KDM3A: variants seen among roughly 807,000 people sequenced by gnomAD.
The protein encoded by KDM3A is lysine demethylase 3A.
Under a neutral mutation model 158.0 loss-of-function variants are expected in KDM3A, and 60 were observed. That is an observed-to-expected ratio of 0.38 (90% CI 0.31 to 0.47). The LOEUF (loss-of-function observed/expected upper bound fraction) is 0.47, where lower values mean the gene tolerates loss of function less well. KDM3A is among the 20% of genes least tolerant of loss of function. The pLI is 0.99. For missense variants in KDM3A, 1,319 were observed against 1,574.3 expected (o/e 0.84, Z 2.74); for synonymous variants, 608 against 549.3 (o/e 1.11, Z -1.49).
upstream of KDM3A, among the ~76,000 whole-genome samples, chr2:86,439,557 T>C (rs1346761772): frequency 1.3e-5 from 2 of 152,120 alleles, no homozygotes; most frequent in African/African-American, 2.4e-5. Context: ...TCAGGTTCAA[T>C]AGAATTTTTC....
Position 86,457,042 on chromosome 2 carries a change from G to A in KDM3A, c.814G>A (p.Val272Ile). The A allele has an allele frequency of 6.3e-7, 1 of 1,592,274 alleles. No individual in the cohort carries two copies. Among genetic ancestry groups the A allele is most frequent in the Non-Finnish European group, 8.6e-7 (1 of 1,166,508 alleles). ...GTCTTCTGAGAATAATGGAACCCTG[G>A]TTTCCAAACAAGCAAAATCTTGCTC... The part of the protein sequence containing the change: ...RKSSENNGTL[V>I]SKQAKSCSEA... The change falls in exon 8 of 26, where the codon GTT becomes ATT. Residue 272 changes from valine to isoleucine, a missense_variant. Val to Ile is a conservative substitution (Grantham distance 29). Coordinates refer to ENST00000312912, the MANE Select transcript of KDM3A (RefSeq NM_018433.6).
chr2:86,477,598 G>T (rs1483678267), intron 12 of KDM3A, among the ~76,000 whole-genome samples: 1 of 152,058 alleles, frequency 6.6e-6, no homozygotes, highest in African/African-American at 2.4e-5. Context: ...TCTGAATAGG[G>T]ATTCTGCTTG....
chr2:86,455,019 C>T, intron 4 of KDM3A, 66 bp from the exon 5 acceptor site: 1 of 927,666 alleles, frequency 1.1e-6, no homozygotes, highest in Non-Finnish European at 1.6e-6. Flanking sequence ...AAATAGCCCA[C>T]TGGAATTTAA....
chr2:86,453,978 G>A (rs1672581766), intron 4 of KDM3A, among the ~76,000 whole-genome samples: 1 of 152,128 alleles, frequency 6.6e-6, no homozygotes, highest in Non-Finnish European at 1.5e-5. Context: ...GACAGTTTCT[G>A]TATTACATTT....
intron 4 of KDM3A, among the ~76,000 whole-genome samples, chr2:86,454,811 T>C (rs1276398695): frequency 6.6e-6 from 1 of 152,224 alleles, no homozygotes; most frequent in Non-Finnish European, 1.5e-5. Context: ...AAGTTAGTCA[T>C]TTTTAAAATT....
intron 12 of KDM3A, among the ~76,000 whole-genome samples, chr2:86,475,725 T>A (rs1673631343): frequency 6.6e-6 from 1 of 152,240 alleles, no homozygotes; most frequent in East Asian, 1.9e-4. Context: ...TTTTCTTCCA[T>A]CATTTTATCT....
At chr2:86,445,677 C>T (rs1682930034) in intron 2 of KDM3A, among the ~76,000 whole-genome samples, 2 of 152,334 alleles carry the variant, frequency 1.3e-5, no homozygotes, top group Non-Finnish European at 2.9e-5. Context: ...AATGCCTAGC[C>T]TTTCATTTTT....
intron 2 of KDM3A, among the ~76,000 whole-genome samples, chr2:86,446,923 C>T (rs1432793735): frequency 6.6e-6 from 1 of 152,128 alleles, no homozygotes; most frequent in East Asian, 1.9e-4. Context: ...GCAATTCTCC[C>T]ACCTCAGCCT....
chr2:86,477,531 C>T (rs1364753216), intron 12 of KDM3A, among the ~76,000 whole-genome samples: 1 of 152,128 alleles, frequency 6.6e-6, no homozygotes, highest in African/African-American at 2.4e-5. Context: ...GGTTAAGAAC[C>T]ACTGTTGTGT....
At position 86,474,801 on chromosome 2, in the gene KDM3A, T is replaced by C. The variant is rs1673589877; in HGVS notation, c.1750T>C (p.Leu584=). 3.1e-6 allele frequency: 5 copies of C among 1,610,818 alleles called. No homozygotes were observed. Among genetic ancestry groups the C allele is most frequent in the Non-Finnish European group, 4.2e-6 (5 of 1,178,314 alleles). Reference sequence around the variant, plus strand: ...GTTACAATTCAACAAACATGGTGTGTTGCGGGTAGAAGGCTTCTTAACACC... The same window carrying C: ...GTTACAATTCAACAAACATGGTGTGCTGCGGGTAGAAGGCTTCTTAACACC... ...RRLQFNKHGV[L]RVEGFLTPNK... Residue 584 remains leucine, a synonymous_variant, in exon 12 of 26, where the codon TTG becomes CTG. Transcript: ENST00000312912.
chr2:86,487,559 T>A (rs1379583529), intron 21 of KDM3A: 1 of 152,122 alleles, frequency 6.6e-6, no homozygotes, highest in Non-Finnish European at 1.5e-5. Flanking sequence ...TTGTTCAGGA[T>A]CTCCAAGGGG....
chr2:86,489,307 T>C lies in KDM3A; in HGVS notation c.3314-11T>C, dbSNP rs1338741432. On this transcript the variant is annotated splice_polypyrimidine_tract_variant and intron_variant, in intron 21 of 25. Coordinates refer to ENST00000312912, the MANE Select transcript of KDM3A (RefSeq NM_018433.6). ...GTCTTTTGTAAAACTTAAGGCACTTTGTTTTTGCAGGATTAATCACTCCTG... is the reference window on the plus strand; with the variant it reads ...GTCTTTTGTAAAACTTAAGGCACTTCGTTTTTGCAGGATTAATCACTCCTG... 1.9e-6 allele frequency: 3 copies of C among 1,611,222 alleles called. No homozygotes were observed. The highest frequency in any genetic ancestry group is 2.5e-6 in the Non-Finnish European group (3 of 1,178,850).
In KDM3A at chr2:86,466,887, A is replaced by G; in HGVS notation, c.1519+4A>G. 1 of 1,580,592 alleles carries G rather than the reference A, an allele frequency of 6.3e-7. No homozygotes were observed. The highest frequency in any genetic ancestry group is 1.1e-5 in the South Asian group (1 of 87,070). On this transcript the variant is annotated splice_donor_region_variant and intron_variant, in intron 10 of 25. Coordinates refer to ENST00000312912, the MANE Select transcript of KDM3A (RefSeq NM_018433.6). ...AGCAACAATAAAATCCAGAATGGTGAGTGTTTCTCAATATCTTTATTGGTA... is the reference window on the plus strand; with the variant it reads ...AGCAACAATAAAATCCAGAATGGTGGGTGTTTCTCAATATCTTTATTGGTA...
In KDM3A at chr2:86,474,759, T is replaced by TC. The variant is rs771783109; in HGVS notation, c.1725-13dup. 5 of 1,519,692 alleles carry TC rather than the reference T, an allele frequency of 3.3e-6. No individual in the cohort carries two copies. In the South Asian group the frequency reaches 4.5e-5, roughly 14 times the overall value. The allele number at this position is 1,519,692 out of a possible 1,614,324, so 94.1% of individuals were successfully genotyped here. On this transcript the variant is annotated splice_polypyrimidine_tract_variant and intron_variant, in intron 11 of 25. Transcript: ENST00000312912. ...TGTGTGTGTACATTACATCTTTTTT[T>TC]CCCCTGCTTCCCCTAGGTTACAATT...
Position 86,478,699 on chromosome 2 carries a change from CTT to C in KDM3A, c.2283_2284del (p.Ser762LysfsTer87). ...CPCSNRQFKL[F>X]SKPASKEDLK... Reference sequence around the variant, plus strand: ...CTTGTTCAAACAGGCAATTCAAACTCTTTTCAAAGCCAGCCTCAAAGGAAGAC... The same window carrying C: ...CTTGTTCAAACAGGCAATTCAAACTCTTCAAAGCCAGCCTCAAAGGAAGAC... On this transcript the variant is annotated frameshift_variant, in exon 15 of 26. Coordinates refer to ENST00000312912, the MANE Select transcript of KDM3A (RefSeq NM_018433.6). LOFTEE classifies it high-confidence loss of function. The C allele has an allele frequency of 6.2e-7, 1 of 1,614,070 alleles. No homozygotes were observed. The highest frequency in any genetic ancestry group is 1.7e-5 in the Admixed American group (1 of 60,022).
intron 10 of KDM3A, 23 bp from the exon 11 acceptor site, chr2:86,470,181 T>C (rs747901042): frequency 6.8e-6 from 11 of 1,608,648 alleles, no homozygotes; most frequent in Admixed American, 1.7e-5. Flanking sequence ...AGGTCCTGTC[T>C]CCTTAATCTT....
chr2:86,464,977 A>C (rs1673075207), intron 9 of KDM3A, among the ~76,000 whole-genome samples: 1 of 152,204 alleles, frequency 6.6e-6, no homozygotes, highest in Non-Finnish European at 1.5e-5. Flanking sequence ...TGTGGCAGTC[A>C]GACAGGAGGA....
Position 86,492,184 on chromosome 2 carries a change from G to T in KDM3A, c.*65G>T. ...AAACTCTTCAGGCAGGATTCCTGTG[G>T]ACTTTGAGATTCATGTTACCTCATC... On this transcript the variant is annotated 3_prime_UTR_variant, in exon 26 of 26. Transcript: ENST00000312912. 8.3e-7 allele frequency: 1 copy of T among 1,206,496 alleles called. No individual in the cohort carries two copies. The allele number at this position is 1,206,496 out of a possible 1,614,324, so 74.7% of individuals were successfully genotyped here.
chr2:86,459,681 A>AG (rs1335612686), intron 8 of KDM3A, among the ~76,000 whole-genome samples: 1 of 152,150 alleles, frequency 6.6e-6, no homozygotes, highest in East Asian at 1.9e-4. Flanking sequence ...CTAACCTTCA[A>AG]GGAGGTACTT....
Sources: allele counts gnomAD v4.1 joint callset (sites outside exome capture counted in the v4.1 genomes callset), GRCh38; gene constraint gnomAD v4.1.1; transcripts MANE v1.5; gene names NCBI Gene and HGNC (gene_info 2026-07-23, HGNC 2026-07-21).